Variants in COL10A1 observed in about 807,000 individuals in gnomAD.
COL10A1 encodes the protein collagen type X alpha 1 chain.
Under a neutral mutation model 18.2 loss-of-function variants are expected in COL10A1, and 10 were observed. That is an observed-to-expected ratio of 0.55 (90% CI 0.34 to 0.93). The LOEUF is 0.93. Among genes scored for constraint, COL10A1 ranks in the 40% least tolerant of loss-of-function variants. COL10A1 has a pLI of 0.02. For missense variants in COL10A1, 897 were observed against 853.5 expected (o/e 1.05, Z -0.64); for synonymous variants, 330 against 316.6 (o/e 1.04, Z -0.45).
intron 1 of COL10A1, among the ~76,000 whole-genome samples, chr6:116,143,175 A>G (rs1582831118): frequency 6.6e-6 from 1 of 152,156 alleles, no homozygotes; most frequent in Non-Finnish European, 1.5e-5. Flanking sequence ...CATAGATAAT[A>G]TTAAAAGAGA....
chr6:116,190,762 C>T, the COL10A1 span, among the ~76,000 whole-genome samples: 1 of 151,944 alleles, frequency 6.6e-6, no homozygotes, highest in Non-Finnish European at 1.5e-5. Flanking sequence ...GTATGTAAAA[C>T]GTCTGGAAAG....
the COL10A1 span, among the ~76,000 whole-genome samples, chr6:116,205,225 T>C: frequency 1.3e-5 from 2 of 151,674 alleles, no homozygotes; most frequent in African/African-American, 4.8e-5. Flanking sequence ...CAAAACAAAA[T>C]AGAACAACAA....
chr6:116,172,363 C>T, the COL10A1 span, among the ~76,000 whole-genome samples: 2 of 145,330 alleles, frequency 1.4e-5, no homozygotes. Flanking sequence ...GCTCTGTTGC[C>T]CAGGCTGGAG....
chr6:116,204,331 A>G, the COL10A1 span, among the ~76,000 whole-genome samples: 16 of 151,976 alleles, frequency 1.1e-4, no homozygotes, highest in African/African-American at 3.6e-4. Flanking sequence ...GTAGAAATGT[A>G]AAAGGGATGA....
At chr6:116,140,777 T>C (rs2114363674) in intron 1 of COL10A1, among the ~76,000 whole-genome samples, 1 of 152,270 alleles carries the variant, frequency 6.6e-6, no homozygotes, top group South Asian at 2.1e-4. Flanking sequence ...TGATGTAACA[T>C]TGTGTTTTTG....
At chr6:116,164,848 C>A in the COL10A1 span, among the ~76,000 whole-genome samples, 1 of 151,982 alleles carries the variant, frequency 6.6e-6, no homozygotes, top group Non-Finnish European at 1.5e-5. Flanking sequence ...CTTTGGGAGG[C>A]CGAGGCAGGC....
chr6:116,162,395 T>C (rs1780356548), upstream of COL10A1, among the ~76,000 whole-genome samples: 3 of 152,312 alleles, frequency 2.0e-5, no homozygotes, highest in African/African-American at 7.2e-5. Flanking sequence ...CCTGTAAGTA[T>C]GATGTTGGCT....
chr6:116,203,188 A>G, the COL10A1 span, among the ~76,000 whole-genome samples: 1 of 151,980 alleles, frequency 6.6e-6, no homozygotes, highest in African/African-American at 2.4e-5. Context: ...ATTGTATTAG[A>G]TTCTCATTTA....
At chr6:116,163,298 A>G (rs540757144), upstream of COL10A1, among the ~76,000 whole-genome samples, 2 of 150,550 alleles carry the variant, frequency 1.3e-5, no homozygotes, top group African/African-American at 4.9e-5. Context: ...CAATTTTATA[A>G]TTTGTTGTTA....
At chr6:116,181,749 T>C in the COL10A1 span, among the ~76,000 whole-genome samples, 1 of 151,910 alleles carries the variant, frequency 6.6e-6, no homozygotes, top group African/African-American at 2.4e-5. Flanking sequence ...TTGAGAGAAA[T>C]AACTGAAGAC....
intron 1 of COL10A1, among the ~76,000 whole-genome samples, chr6:116,131,478 T>G (rs147014817): frequency 4.2e-4 from 64 of 152,302 alleles, no homozygotes; most frequent in African/African-American, 1.5e-3. Context: ...TGACTCAGTT[T>G]TTCTTGACCT....
At chr6:116,145,444 G>C (rs1232938663) in intron 1 of COL10A1, 3 of 383,658 alleles carry the variant, frequency 7.8e-6, no homozygotes, top group Non-Finnish European at 1.8e-5. Flanking sequence ...TTAGTAAGAA[G>C]ATTGGCCACA....
intron 1 of COL10A1, among the ~76,000 whole-genome samples, chr6:116,154,285 G>A (rs1426071467): frequency 1.3e-5 from 2 of 152,152 alleles, no homozygotes; most frequent in African/African-American, 4.8e-5. Flanking sequence ...CATAGCTGGA[G>A]TAGGTTTCGT....
intron 1 of COL10A1, among the ~76,000 whole-genome samples, chr6:116,139,371 A>C (rs1029885738): frequency 2.0e-5 from 3 of 152,174 alleles, no homozygotes; most frequent in Non-Finnish European, 2.9e-5. Context: ...ATTTTGAATA[A>C]TACAGTCTAA....
At chr6:116,154,281 T>C (rs954544676) in intron 1 of COL10A1, among the ~76,000 whole-genome samples, 2 of 152,202 alleles carry the variant, frequency 1.3e-5, no homozygotes, top group Non-Finnish European at 2.9e-5. Context: ...TCAACATAGC[T>C]GGAGTAGGTT....
chr6:116,193,299 G>A, the COL10A1 span, among the ~76,000 whole-genome samples: 35 of 152,178 alleles, frequency 2.3e-4, no homozygotes, highest in Admixed American at 2.2e-3. Flanking sequence ...TAGGAGTGCT[G>A]TGATAACAAA....
intron 2 of COL10A1, among the ~76,000 whole-genome samples, chr6:116,124,597 A>G (rs896917171): frequency 6.6e-6 from 1 of 152,214 alleles, no homozygotes; most frequent in Admixed American, 6.5e-5. Context: ...AGTAATAGCA[A>G]CACTTAAAGC....
the COL10A1 span, among the ~76,000 whole-genome samples, chr6:116,206,116 AAT>A: frequency 6.6e-6 from 1 of 151,948 alleles, no homozygotes; most frequent in Non-Finnish European, 1.5e-5. Context: ...TATGTTTCAA[AAT>A]ATGTTTTGAA....
the COL10A1 span, among the ~76,000 whole-genome samples, chr6:116,191,679 AAG>A: frequency 2.0e-5 from 3 of 152,074 alleles, no homozygotes; most frequent in Non-Finnish European, 4.4e-5. Flanking sequence ...CATTGCTAAA[AAG>A]AGTCAATAAC....
Sources: allele counts gnomAD v4.1 joint callset (sites outside exome capture counted in the v4.1 genomes callset), GRCh38; gene constraint gnomAD v4.1.1; transcripts MANE v1.5; gene names NCBI Gene and HGNC (gene_info 2026-07-23, HGNC 2026-07-21).